COL17A1: variants seen among roughly 807,000 people sequenced by gnomAD.
COL17A1 encodes collagen type XVII alpha 1 chain, also known as collagen alpha-1(XVII) chain.
In COL17A1, 181 loss-of-function variants were observed where a neutral mutation model predicts 218.4. That is an observed-to-expected ratio of 0.83 (90% CI 0.73 to 0.94). COL17A1 has a LOEUF of 0.94. Ranked by LOEUF, COL17A1 falls within the 40% of genes least tolerant of loss-of-function variation. The probability of loss-of-function intolerance (pLI) is 0.00; values close to 1 mark genes in which losing one functional copy is unlikely to be tolerated. For missense variants in COL17A1, 1,924 were observed against 1,945.9 expected (o/e 0.99, Z 0.21); for synonymous variants, 721 against 731.0 (o/e 0.99, Z 0.22).
rs1747675 is a variant in COL17A1, at chr10:104,033,415, T to G, written c.4157-40A>C. 1,598,462 of 1,602,570 alleles carry G rather than the reference T, an allele frequency of 1. 797,258 individuals are homozygous for G. Among genetic ancestry groups the G allele is most frequent in the East Asian group, 1 (44,560 of 44,562 alleles). ...AGCTTGGGCACAGGAAGCAGGGATC[T>G]CCCAGTACCCTCTTCAGCAGGAGCA... On this transcript the variant is annotated intron_variant, in intron 52 of 55. Transcript: ENST00000648076.
At chr10:104,050,930 G>A in intron 25 of COL17A1, 29 bp from the exon 26 acceptor site, 1 of 1,614,078 alleles carries the variant, frequency 6.2e-7, no homozygotes, top group East Asian at 2.2e-5. Context: ...CATGCACACA[G>A]ATGAGTATCC....
At position 104,049,390 on chromosome 10, in the gene COL17A1, A is replaced by C; in HGVS notation, c.2227+19T>G. ...CTCAGATGGGGAACTCACTGAATCC[A>C]TTCCTTTGGAACACTTACCCATTGC... On this transcript the variant is annotated intron_variant, in intron 29 of 55. Coordinates refer to ENST00000648076, the MANE Select transcript of COL17A1 (RefSeq NM_000494.4). 1.2e-6 allele frequency: 2 copies of C among 1,613,648 alleles called. No homozygotes were observed. Among genetic ancestry groups the C allele is most frequent in the Non-Finnish European group, 1.7e-6 (2 of 1,179,512 alleles).
intron 31 of COL17A1, 102 bp from the exon 32 acceptor site, chr10:104,046,875 G>T (rs1441470080): frequency 3.7e-6 from 4 of 1,072,424 alleles, no homozygotes; most frequent in East Asian, 2.6e-5. Context: ...CAGTGGAGGG[G>T]TCAGTGGGTA....
chr10:104,077,319 T>C, intron 4 of COL17A1, 103 bp downstream of exon 4: 1 of 868,976 alleles, frequency 1.2e-6, no homozygotes, highest in South Asian at 1.4e-5. Context: ...TTTTGTGCAC[T>C]GATTCAAAAT....
intron 48 of COL17A1, among the ~76,000 whole-genome samples, chr10:104,036,077 A>AGTGTGTGTATATGT: frequency 2.2e-5 from 1 of 44,756 alleles, no homozygotes; most frequent in African/African-American, 1.0e-4. Context: ...TGTGTATGGG[A>AGTGTGTGTATATGT]GTGTGTATGG....
intron 11 of COL17A1, among the ~76,000 whole-genome samples, chr10:104,062,657 G>T (rs1325407604): frequency 6.6e-6 from 1 of 152,162 alleles, no homozygotes; most frequent in Admixed American, 6.5e-5. Context: ...TGTTTCCTGT[G>T]ACACCCTGGG....
intron 24 of COL17A1, 25 bp from the exon 25 acceptor site, chr10:104,051,541 T>C (rs1165714541): frequency 1.2e-6 from 2 of 1,613,670 alleles, no homozygotes; most frequent in East Asian, 2.2e-5. Context: ...AAGACAGCAA[T>C]CAGCAGAGGG....
At chr10:104,055,526 T>A in intron 18 of COL17A1, 125 bp from the exon 19 acceptor site, 1 of 1,449,532 alleles carries the variant, frequency 6.9e-7, no homozygotes, top group Non-Finnish European at 9.5e-7. Flanking sequence ...AGGCAAAGAC[T>A]AGAGATCAGA....
In COL17A1 at chr10:104,059,499, G is replaced by A. The variant is rs959063850; in HGVS notation, c.1222+139C>T. The A allele has an allele frequency of 1.3e-5, 10 of 775,582 alleles. No individual in the cohort carries two copies. The African/African-American group carries it at 1.7e-4, about 13-fold the overall frequency. 48.0% of individuals were successfully genotyped at this position (775,582 alleles called of 1,614,324 possible). A position where few individuals can be genotyped will look rare whatever the true frequency, so the allele number is the denominator to read the frequency against. On this transcript the variant is annotated intron_variant, in intron 15 of 55. Transcript: ENST00000648076. ...AGATCTGAGCTAGGGCTGGGATCCT[G>A]CTTTTATAACACACTCCCAGGTGTG...
At chr10:104,071,282 A>C (rs2086667508) in intron 8 of COL17A1, among the ~76,000 whole-genome samples, 1 of 152,110 alleles carries the variant, frequency 6.6e-6, no homozygotes, top group Non-Finnish European at 1.5e-5. Flanking sequence ...ACCACCCCTA[A>C]GCCTGGAAGG....
At position 104,055,980 on chromosome 10, in the gene COL17A1, C is replaced by T. The variant is rs1427861440; in HGVS notation, c.1489G>A (p.Ala497Thr). 8.7e-6 allele frequency: 14 copies of T among 1,614,066 alleles called. No individual in the cohort carries two copies. The highest frequency in any genetic ancestry group is 1.1e-5 in the Non-Finnish European group (13 of 1,180,036). ...ALAEEVRKLK[A>T]RVDELERIRR... The stretch of plus-strand genomic sequence containing the variant: ...ATCCTCTCCAGCTCATCCACACGCG[C>T]CTTCAGCTTCCTCACCTCCTCCGCT... Residue 497 changes from alanine to threonine, a missense_variant, in exon 18 of 56, where the codon GCG becomes ACG. Transcript: ENST00000648076.
In COL17A1 at chr10:104,037,710, C is replaced by G. The variant is rs373096950; in HGVS notation, c.3134G>C (p.Gly1045Ala). Residue 1045 changes from glycine (G) to alanine (A), a missense_variant, in exon 46 of 56, where the codon GGA becomes GCA. Transcript: ENST00000648076. ...QGPPGPPGPP[G>A]PVTTITGETF... The stretch of plus-strand genomic sequence containing the variant: ...CTCGCCTGTGATGGTGGTGACAGGT[C>G]CTGGGGGACCAGGTGGGCCTGGGGG... The G allele has an allele frequency of 6.2e-7, 1 of 1,613,980 alleles. No homozygotes were observed. Among genetic ancestry groups the G allele is most frequent in the East Asian group, 2.2e-5 (1 of 44,880 alleles).
rs200370596 is a variant in COL17A1, at chr10:104,054,102, A to G, written c.1761T>C (p.Pro587=). 379 of 1,611,664 alleles carry G rather than the reference A, an allele frequency of 2.4e-4. No homozygotes were observed. The highest frequency in any genetic ancestry group is 6.6e-4 in the Middle Eastern group (4 of 6,044). ...TCAGAGAGTACATACCTGGAGTCCC[A>G]GGGAACCCTCGATCTCCTGCAGGAA... The part of the protein sequence containing the change: ...SPGPKGDRGF[P]GTPGIPGPLG... The change falls in exon 21 of 56, where the codon CCT becomes CCC. Residue 587 remains proline, a synonymous_variant. Coordinates refer to ENST00000648076, the MANE Select transcript of COL17A1 (RefSeq NM_000494.4).
intron 32 of COL17A1, 121 bp downstream of exon 32, chr10:104,046,626 G>A (rs1589562788): frequency 3.3e-6 from 3 of 912,088 alleles, no homozygotes; most frequent in Non-Finnish European, 5.5e-6. Flanking sequence ...GTGAAAGGGA[G>A]TGTGTGCCAG....
At position 104,039,089 on chromosome 10, in the gene COL17A1, G is replaced by A. The variant is rs1244641067; in HGVS notation, c.2929C>T (p.Pro977Ser). The part of the protein sequence containing the change: ...DPGVPGALGI[P>S]SGPSEGGSSS... ...TTCTTACCTTCAGAAGGACCACTAG[G>A]AATGCCAAGAGCCCCTGGAACACCT... Residue 977 changes from proline (P) to serine (S), a missense_variant, in exon 44 of 56, where the codon CCT becomes TCT. Transcript: ENST00000648076. The A allele has an allele frequency of 1.9e-6, 3 of 1,614,120 alleles. No individual in the cohort carries two copies. The Admixed American group carries it at 5.0e-5, about 27-fold the overall frequency.
At chr10:104,056,307 G>A (rs2086524883) in intron 17 of COL17A1, among the ~76,000 whole-genome samples, 1 of 152,194 alleles carries the variant, frequency 6.6e-6, no homozygotes, top group Non-Finnish European at 1.5e-5. Context: ...GGCTGGCCAG[G>A]CGCGGTGGCT....
chr10:104,036,350 G>A (rs915475205), intron 48 of COL17A1, 142 bp downstream of exon 48: 15 of 1,221,742 alleles, frequency 1.2e-5, no homozygotes, highest in African/African-American at 1.0e-4. Context: ...AGGTTTGAAC[G>A]GCTCTGAGCA....
At chr10:104,053,853 T>C (rs2086493691) in intron 22 of COL17A1, 67 bp downstream of exon 22, 1 of 942,602 alleles carries the variant, frequency 1.1e-6, no homozygotes, top group Non-Finnish European at 1.7e-6. Context: ...AGCAGGCACT[T>C]AATGAATGTT....
chr10:104,033,185 G>A lies in COL17A1; in HGVS notation c.4294+53C>T, dbSNP rs540484770. 197 of 1,562,338 alleles carry A rather than the reference G, an allele frequency of 1.3e-4. 3 individuals carry two copies. The South Asian group carries it at 2.0e-3, about 16-fold the overall frequency. ...AGACTGGTGTCTCTGGAGCAGACCC[G>A]TGGGAACCTATGCAGTGAGGCAGGT... On this transcript the variant is annotated intron_variant, in intron 53 of 55. Coordinates refer to ENST00000648076, the MANE Select transcript of COL17A1 (RefSeq NM_000494.4).
Sources: gnomAD v4.1 joint callset for allele counts (sites outside exome capture counted in the v4.1 genomes callset) on GRCh38, gnomAD v4.1.1 for gene constraint, MANE v1.5 for transcripts, NCBI Gene and HGNC (gene_info 2026-07-23, HGNC 2026-07-21) for gene names.